Variants in COX10 observed in about 807,000 individuals in gnomAD.
The protein encoded by COX10 is cytochrome c oxidase assembly factor heme A:farnesyltransferase COX10.
Under a neutral mutation model 37.3 loss-of-function variants are expected in COX10, and 27 were observed. That is an observed-to-expected ratio of 0.72 (90% CI 0.53 to 1.00). The LOEUF is 1.00. Among genes scored for constraint, COX10 ranks in the 50% least tolerant of loss-of-function variants. The pLI, the probability that COX10 is intolerant of heterozygous loss-of-function variation, is 0.00. For synonymous variants in COX10, 222 were observed against 229.1 expected (o/e 0.97, Z 0.28); for missense variants, 475 against 563.2 (o/e 0.84, Z 1.59).
At chr17:14,116,336 A>G (rs1916109423) in intron 4 of COX10, among the ~76,000 whole-genome samples, 1 of 152,198 alleles carries the variant, frequency 6.6e-6, no homozygotes, top group Admixed American at 6.5e-5. Flanking sequence ...AATGTATTTC[A>G]AAGATACATT....
intron 3 of COX10, among the ~76,000 whole-genome samples, chr17:14,080,594 A>G (rs1389524592): frequency 6.6e-6 from 1 of 152,216 alleles, no homozygotes; most frequent in African/African-American, 2.4e-5. Context: ...TGATCATTGA[A>G]AAAGGTTTTG....
chr17:14,109,988 G>T (rs1269280490), intron 4 of COX10, among the ~76,000 whole-genome samples: 1 of 152,046 alleles, frequency 6.6e-6, no homozygotes, highest in Non-Finnish European at 1.5e-5. Context: ...GTTGAGTCTA[G>T]ATTCCTGGGA....
chr17:14,164,123 G>A (rs1905227568), intron 5 of COX10, among the ~76,000 whole-genome samples: 1 of 152,230 alleles, frequency 6.6e-6, no homozygotes, highest in South Asian at 2.1e-4. Context: ...GTTTGTGAAA[G>A]ATAAAAGTTC....
At chr17:14,167,041 G>A (rs1597532003) in intron 5 of COX10, among the ~76,000 whole-genome samples, 1 of 152,086 alleles carries the variant, frequency 6.6e-6, no homozygotes, top group East Asian at 1.9e-4. Flanking sequence ...CATTCTATAT[G>A]CCATGAAAAA....
At chr17:14,149,214 AC>A (rs1008132530) in intron 4 of COX10, among the ~76,000 whole-genome samples, 3 of 151,924 alleles carry the variant, frequency 2.0e-5, no homozygotes, top group African/African-American at 7.2e-5. Context: ...TGATTCCCAA[AC>A]CAATTATGAG....
At chr17:14,182,615 G>A (rs1905903367) in intron 5 of COX10, among the ~76,000 whole-genome samples, 2 of 152,076 alleles carry the variant, frequency 1.3e-5, no homozygotes, top group Non-Finnish European at 2.9e-5. Context: ...TCATTTCCAA[G>A]CTCCAATGTG....
chr17:14,152,398 A>T (rs140389781), intron 4 of COX10, among the ~76,000 whole-genome samples: 1,882 of 152,286 alleles, frequency 0.012, 12 homozygotes, highest in African/African-American at 0.021. Flanking sequence ...CATATTCACT[A>T]CTACAAGAAC....
At chr17:14,177,030 AT>A (rs1349857281) in intron 5 of COX10, 1 of 386,268 alleles carries the variant, frequency 2.6e-6, no homozygotes, top group Non-Finnish European at 4.6e-6. Flanking sequence ...AAAAAAATCA[AT>A]GCAATGACAT....
intron 5 of COX10, among the ~76,000 whole-genome samples, chr17:14,174,503 C>A (rs1429030894): frequency 6.7e-6 from 1 of 149,384 alleles, no homozygotes; most frequent in Non-Finnish European, 1.5e-5. Flanking sequence ...ATAGGCCCTA[C>A]TCCAAAGAAG....
At chr17:14,124,697 G>A (rs999386460) in intron 4 of COX10, among the ~76,000 whole-genome samples, 1 of 152,164 alleles carries the variant, frequency 6.6e-6, no homozygotes, top group Admixed American at 6.6e-5. Context: ...AGATACCTCT[G>A]TGGAGTGTTT....
chr17:14,196,832 C>T (rs940943485), intron 6 of COX10, among the ~76,000 whole-genome samples: 19 of 152,144 alleles, frequency 1.2e-4, no homozygotes, highest in African/African-American at 4.1e-4. Flanking sequence ...AACAGTTTGC[C>T]TTTTAAGTAG....
At chr17:14,151,546 C>T (rs376234595) in intron 4 of COX10, among the ~76,000 whole-genome samples, 19,033 of 150,678 alleles carry the variant, frequency 0.13, 1,509 homozygotes, top group Non-Finnish European at 0.18. Context: ...CACACACACA[C>T]ACACACACAC....
chr17:14,130,840 T>C (rs1916448239), intron 4 of COX10, among the ~76,000 whole-genome samples: 1 of 152,194 alleles, frequency 6.6e-6, no homozygotes, highest in African/African-American at 2.4e-5. Context: ...CTTCACTAAA[T>C]AGTCTCGTCA....
chr17:14,079,809 T>A (rs944188171), intron 3 of COX10, among the ~76,000 whole-genome samples: 16 of 151,790 alleles, frequency 1.1e-4, no homozygotes, highest in African/African-American at 3.9e-4. Flanking sequence ...AGAGCTATGG[T>A]TGTACATTTT....
chr17:14,151,045 A>T (rs561486224), intron 4 of COX10, among the ~76,000 whole-genome samples: 1 of 147,038 alleles, frequency 6.8e-6, no homozygotes, highest in South Asian at 2.2e-4. Context: ...CATTATGAAA[A>T]ACTAATTATT....
At chr17:14,190,382 G>A (rs1461369788) in intron 5 of COX10, among the ~76,000 whole-genome samples, 1 of 152,168 alleles carries the variant, frequency 6.6e-6, no homozygotes, top group Admixed American at 6.5e-5. Context: ...TATTGTGGAA[G>A]TAACTGACCA....
At chr17:14,166,341 ACT>A (rs1325380784) in intron 5 of COX10, among the ~76,000 whole-genome samples, 1 of 152,082 alleles carries the variant, frequency 6.6e-6, no homozygotes, top group African/African-American at 2.4e-5. Flanking sequence ...AAATCCTAAG[ACT>A]CTTAAGAATT....
chr17:14,122,435 A>G (rs551594479), intron 4 of COX10, among the ~76,000 whole-genome samples: 7 of 152,188 alleles, frequency 4.6e-5, no homozygotes, highest in African/African-American at 1.4e-4. Context: ...TTATCCACTT[A>G]CAGTTTATCA....
chr17:14,165,401 G>A (rs1473009981), intron 5 of COX10, among the ~76,000 whole-genome samples: 1 of 152,128 alleles, frequency 6.6e-6, no homozygotes, highest in Non-Finnish European at 1.5e-5. Flanking sequence ...TATCTGACAT[G>A]GTGATCAGTG....
Sources: allele counts gnomAD v4.1 joint callset (sites outside exome capture counted in the v4.1 genomes callset), GRCh38; gene constraint gnomAD v4.1.1; transcripts MANE v1.5; gene names NCBI Gene and HGNC (gene_info 2026-07-23, HGNC 2026-07-21).